PLCB4: variants seen among roughly 807,000 people sequenced by gnomAD.
PLCB4 encodes 1-phosphatidylinositol 4,5-bisphosphate phosphodiesterase beta-4.
PLCB4 carries 77 observed loss-of-function variants against 178.8 expected under a neutral mutation model. The observed-to-expected ratio is 0.43, with a 90% CI of 0.36 to 0.52. The LOEUF is 0.52. Ranked by LOEUF, PLCB4 falls within the 20% of genes least tolerant of loss-of-function variation. PLCB4 has a pLI of 0.00. For missense variants in PLCB4, 1,024 were observed against 1,453.4 expected, an observed-to-expected ratio of 0.70 and a Z score of 4.80; for synonymous variants, 496 against 490.8, an observed-to-expected ratio of 1.01 and a Z score of -0.14.
chr20:9,236,810 TA>T (rs1444167170), intron 3 of PLCB4, among the ~76,000 whole-genome samples: 3 of 152,324 alleles, frequency 2.0e-5, no homozygotes, highest in African/African-American at 7.2e-5. Flanking sequence ...CAGCTTAGGT[TA>T]TGTGATTTTG....
At chr20:9,303,242 G>A (rs2094726140) in intron 3 of PLCB4, among the ~76,000 whole-genome samples, 1 of 152,160 alleles carries the variant, frequency 6.6e-6, no homozygotes. Context: ...GTACATACAT[G>A]CTATATTCAC....
chr20:9,182,877 A>G (rs2093269843), intron 2 of PLCB4, among the ~76,000 whole-genome samples: 1 of 152,130 alleles, frequency 6.6e-6, no homozygotes, highest in African/African-American at 2.4e-5. Context: ...AAAGTAATAA[A>G]TACCTATTCT....
chr20:9,259,124 G>A lies in PLCB4; in HGVS notation c.-16+41672G>A, dbSNP rs1439560199. ...AAAGCAAATGACATTTCCCTAACAG[G>A]AAGTGTGATGAAATGGAATGGTCTG... is the stretch of plus-strand genomic sequence containing the variant. On this transcript the variant is annotated intron_variant, in intron 3 of 39. Coordinates refer to ENST00000378473, the MANE Select transcript of PLCB4 (RefSeq NM_001377142.1). 2.0e-5 allele frequency among the ~76,000 whole-genome samples: 3 copies of A among 152,166 alleles called. No homozygotes were observed. The South Asian group carries it at 6.2e-4, about 32-fold the overall frequency.
intron 4 of PLCB4, among the ~76,000 whole-genome samples, chr20:9,308,276 AAT>A (rs2094793990): frequency 6.6e-6 from 1 of 152,238 alleles, no homozygotes; most frequent in Non-Finnish European, 1.5e-5. Context: ...TTATAAATGT[AAT>A]AGTGATTGAA....
At chr20:9,203,654 T>C in intron 2 of PLCB4, among the ~76,000 whole-genome samples, 1 of 152,130 alleles carries the variant, frequency 6.6e-6, no homozygotes, top group East Asian at 1.9e-4. Flanking sequence ...AGGTAGATAA[T>C]TTTGCTGCTT....
chr20:9,350,391 C>A (rs2034221913), intron 7 of PLCB4, among the ~76,000 whole-genome samples: 1 of 152,062 alleles, frequency 6.6e-6, no homozygotes, highest in Non-Finnish European at 1.5e-5. Context: ...TTATGATTAT[C>A]CTCATTTTAC....
At chr20:9,408,337 T>C (rs2148500877) in intron 22 of PLCB4, among the ~76,000 whole-genome samples, 2 of 152,068 alleles carry the variant, frequency 1.3e-5, no homozygotes, top group Middle Eastern at 6.8e-3. Context: ...CAAGACTCCT[T>C]TTAATCAAAA....
rs539246938 is a variant in PLCB4 at position 9,168,240 on chromosome 20, G to A, written c.-78-49150G>A. On this transcript the variant is annotated intron_variant, in intron 2 of 39. Coordinates refer to ENST00000378473, the MANE Select transcript of PLCB4 (RefSeq NM_001377142.1). ...GTGTTTTATCTTTATAGACTCTCCC[G>A]GGGCTTTGGGGTAAGTTATCTTATA... Among the ~76,000 whole-genome samples the A allele has an allele frequency of 3.3e-5, 5 of 152,220 alleles. No homozygotes were observed. The South Asian group carries it at 8.3e-4, about 25-fold the overall frequency.
chr20:9,431,836 C>A (rs1053612686), intron 28 of PLCB4, among the ~76,000 whole-genome samples: 3 of 151,982 alleles, frequency 2.0e-5, no homozygotes, highest in African/African-American at 7.2e-5. Flanking sequence ...AGTACTCCTT[C>A]CATTCATCAT....
intron 2 of PLCB4, among the ~76,000 whole-genome samples, chr20:9,169,375 G>T (rs2093026538): frequency 6.6e-6 from 1 of 151,250 alleles, no homozygotes; most frequent in Non-Finnish European, 1.5e-5. Context: ...ATTACTTGAG[G>T]TCAGGAGTTT....
intron 3 of PLCB4, among the ~76,000 whole-genome samples, chr20:9,282,113 G>A (rs1450279714): frequency 1.3e-5 from 2 of 151,906 alleles, no homozygotes; most frequent in Admixed American, 1.3e-4. Flanking sequence ...GCAAAGCCCG[G>A]CATCAAAAGA....
At chr20:9,327,826 T>C (rs1217229978) in intron 4 of PLCB4, among the ~76,000 whole-genome samples, 2 of 152,130 alleles carry the variant, frequency 1.3e-5, no homozygotes, top group African/African-American at 4.8e-5. Context: ...CTAATTTACT[T>C]AGTTCAGACT....
intron 7 of PLCB4, among the ~76,000 whole-genome samples, chr20:9,349,120 TG>T (rs1048591142): frequency 2.0e-4 from 31 of 151,800 alleles, no homozygotes; most frequent in Middle Eastern, 3.4e-3. Context: ...TCCCCTTCTG[TG>T]TCTTTTCTTA....
chr20:9,186,470 T>A (rs576487439), intron 2 of PLCB4, among the ~76,000 whole-genome samples: 1 of 152,334 alleles, frequency 6.6e-6, no homozygotes, highest in South Asian at 2.1e-4. Context: ...ATCATGTACT[T>A]TTAATTCCAC....
intron 3 of PLCB4, among the ~76,000 whole-genome samples, chr20:9,298,928 G>A (rs2094671985): frequency 1.3e-5 from 2 of 151,970 alleles, no homozygotes; most frequent in African/African-American, 4.8e-5. Flanking sequence ...ATAAATCATA[G>A]CAAAGGCCAT....
intron 3 of PLCB4, among the ~76,000 whole-genome samples, chr20:9,271,587 T>G (rs1360258617): frequency 6.6e-6 from 1 of 152,180 alleles, no homozygotes; most frequent in Non-Finnish European, 1.5e-5. Flanking sequence ...ATAATTAAGA[T>G]GACAACTGCT....
chr20:9,204,960 T>A (rs1184493102), intron 2 of PLCB4, among the ~76,000 whole-genome samples: 1 of 152,168 alleles, frequency 6.6e-6, no homozygotes, highest in African/African-American at 2.4e-5. Context: ...TACATGTACA[T>A]TGATTATATT....
At chr20:9,431,650 TTGTGTGTGTGTGTGTGTG>T (rs3037096) in intron 28 of PLCB4, among the ~76,000 whole-genome samples, 1 of 144,160 alleles carries the variant, frequency 6.9e-6, no homozygotes, top group Non-Finnish European at 1.5e-5. Context: ...GTGTGTGTGT[TTGTGTGTGTGTGTGTGTG>T]TGTGTGTGTG....
intron 19 of PLCB4, among the ~76,000 whole-genome samples, chr20:9,399,472 G>A (rs1232353491): frequency 6.6e-6 from 1 of 152,214 alleles, no homozygotes; most frequent in Non-Finnish European, 1.5e-5. Context: ...CAGGCAAGGG[G>A]AAACCAAGCA....
Sources: gnomAD v4.1 joint callset for allele counts (sites outside exome capture counted in the v4.1 genomes callset) on GRCh38, gnomAD v4.1.1 for gene constraint, MANE v1.5 for transcripts, NCBI Gene and HGNC (gene_info 2026-07-23, HGNC 2026-07-21) for gene names.